The following DNMT3A variants were observed in gnomAD, a reference collection of about 807,000 sequenced individuals.
DNMT3A encodes DNA methyltransferase 3 alpha, also known as DNA (cytosine-5)-methyltransferase 3A.
In DNMT3A, 267 loss-of-function variants were observed where a neutral mutation model predicts 117.6. The observed-to-expected ratio is 2.27, with a 90% CI of 2.05 to 2.51. The LOEUF is 2.51. DNMT3A is among the 30% of genes most tolerant of loss of function. The pLI is 0.00. For missense variants in DNMT3A, 1,029 were observed against 1,260.2 expected, an observed-to-expected ratio of 0.82 and a Z score of 2.78; for synonymous variants, 432 against 474.8, an observed-to-expected ratio of 0.91 and a Z score of 1.17.
rs35486374 is a variant in DNMT3A, at chr2:25,230,790, A to AGGG, written c.*3486_*3488dup. The stretch of plus-strand genomic sequence containing the variant: ...GTGATTGTTAACTCTCGTCCCTGCA[A>AGGG]GGGGGGGGGGGGGGGGGCCATGACC... On this transcript the variant is annotated 3_prime_UTR_variant, in exon 23 of 23. Transcript: ENST00000321117. 10 of 38,330 alleles carry AGGG rather than the reference A, an allele frequency of 2.6e-4. No homozygotes were observed. Among genetic ancestry groups the AGGG allele is most frequent in the African/African-American group, 1.1e-3 (9 of 7,996 alleles). The allele number at this position is 38,330 out of a possible 1,614,324, so 2.4% of individuals were successfully genotyped here.
At chr2:25,255,600 T>C (rs1676039966) in intron 6 of DNMT3A, among the ~76,000 whole-genome samples, 1 of 152,138 alleles carries the variant, frequency 6.6e-6, no homozygotes, top group African/African-American at 2.4e-5. Flanking sequence ...CCGACAAAAA[T>C]ACCTCTGAAG....
At chr2:25,289,429 C>T (rs568739949) in intron 3 of DNMT3A, among the ~76,000 whole-genome samples, 1 of 152,300 alleles carries the variant, frequency 6.6e-6, no homozygotes, top group South Asian at 2.1e-4. Context: ...GGCCTCTCCA[C>T]CTATGGCTCT....
intron 5 of DNMT3A, 76 bp downstream of exon 5, chr2:25,275,424 C>CCCCCCCCCA: frequency 6.6e-7 from 1 of 1,516,900 alleles, no homozygotes; most frequent in Non-Finnish European, 8.9e-7. Flanking sequence ...ACCCTCCGCC[C>CCCCCCCCCA]CCTCACACAC....
intron 14 of DNMT3A, 68 bp downstream of exon 14, chr2:25,244,472 G>A: frequency 1.3e-6 from 2 of 1,588,472 alleles, no homozygotes; most frequent in Admixed American, 1.7e-5. Context: ...GGGAGAGGAG[G>A]GGAGGCGGTG....
intron 2 of DNMT3A, among the ~76,000 whole-genome samples, chr2:25,309,898 A>C (rs72810076): frequency 0.3 from 45,137 of 151,734 alleles, 6,833 homozygotes; most frequent in South Asian, 0.37. Context: ...CTAAAAAAAA[A>C]AATACAAAAA....
At chr2:25,239,270 C>A in intron 19 of DNMT3A, 55 bp from the exon 20 acceptor site, 1 of 1,513,522 alleles carries the variant, frequency 6.6e-7, no homozygotes, top group South Asian at 1.1e-5. Context: ...GAAACAGCGC[C>A]GGCATGCTGC....
At chr2:25,321,331 C>T (rs571198553) in intron 1 of DNMT3A, among the ~76,000 whole-genome samples, 1 of 152,316 alleles carries the variant, frequency 6.6e-6, no homozygotes, top group African/African-American at 2.4e-5. Context: ...AACTCCAAAG[C>T]CAGCGATGGC....
intron 6 of DNMT3A, among the ~76,000 whole-genome samples, chr2:25,248,513 A>G (rs1194131971): frequency 6.6e-6 from 1 of 151,992 alleles, no homozygotes. Context: ...TCTCATCAGC[A>G]TATCGGTTGC....
chr2:25,319,439 C>T (rs376887764), intron 1 of DNMT3A, among the ~76,000 whole-genome samples: 10 of 152,290 alleles, frequency 6.6e-5, no homozygotes, highest in South Asian at 2.1e-4. Context: ...CGTAAGCCAC[C>T]GTGCTGGGCC....
intron 6 of DNMT3A, among the ~76,000 whole-genome samples, chr2:25,269,316 G>C (rs1362052072): frequency 6.6e-6 from 1 of 152,206 alleles, no homozygotes; most frequent in Admixed American, 6.5e-5. Context: ...GAGACAGAGT[G>C]AAACTGTCTC....
chr2:25,307,429 A>G, intron 2 of DNMT3A, among the ~76,000 whole-genome samples: 1 of 137,086 alleles, frequency 7.3e-6, no homozygotes, highest in East Asian at 2.3e-4. Flanking sequence ...AAGGGCTAGG[A>G]TTACAGGCAT....
intron 6 of DNMT3A, among the ~76,000 whole-genome samples, chr2:25,274,413 G>A (rs1395579040): frequency 6.6e-6 from 1 of 152,214 alleles, no homozygotes; most frequent in African/African-American, 2.4e-5. Context: ...CAACTGATGT[G>A]TGGAGCCCCG....
chr2:25,341,110 T>A (rs2035413583), intron 1 of DNMT3A, among the ~76,000 whole-genome samples: 1 of 139,540 alleles, frequency 7.2e-6, no homozygotes, highest in Non-Finnish European at 1.6e-5. Flanking sequence ...CGGAGGAGGA[T>A]CGCGGCGCGG....
At chr2:25,323,405 T>C (rs1313185584) in intron 1 of DNMT3A, among the ~76,000 whole-genome samples, 1 of 152,176 alleles carries the variant, frequency 6.6e-6, no homozygotes, top group Non-Finnish European at 1.5e-5. Context: ...GTTGACACCC[T>C]CCTGACCTAA....
intron 2 of DNMT3A, among the ~76,000 whole-genome samples, chr2:25,310,973 A>G (rs1445831703): frequency 6.6e-6 from 1 of 152,232 alleles, no homozygotes; most frequent in African/African-American, 2.4e-5. Context: ...TACAAGGCCA[A>G]CTACAGCCTG....
chr2:25,230,789 A>AG lies in DNMT3A; in HGVS notation c.*3489_*3490insC, dbSNP rs1672835262. 8.2e-4 allele frequency: 1 copy of AG among 1,216 alleles called. No homozygotes were observed. Among genetic ancestry groups the AG allele is most frequent in the African/African-American group, 4.3e-3 (1 of 230 alleles). The allele number at this position is 1,216 out of a possible 1,614,324, so 0.1% of individuals were successfully genotyped here. A position where few individuals can be genotyped will look rare whatever the true frequency, so the allele number is the denominator to read the frequency against. On this transcript the variant is annotated 3_prime_UTR_variant, in exon 23 of 23. Transcript: ENST00000321117. The stretch of plus-strand genomic sequence containing the variant: ...GGTGATTGTTAACTCTCGTCCCTGC[A>AG]AGGGGGGGGGGGGGGGGGCCATGAC...
intron 4 of DNMT3A, among the ~76,000 whole-genome samples, chr2:25,277,581 G>A (rs952193229): frequency 2.6e-5 from 4 of 152,204 alleles, no homozygotes; most frequent in Non-Finnish European, 5.9e-5. Context: ...TGGGGCTTCC[G>A]ACTGCATTTT....
rs775989176 is a variant in DNMT3A at position 25,239,207 on chromosome 2, AG to A, written c.2330del (p.Pro777LeufsTer2). 6.2e-7 allele frequency: 1 copy of A among 1,613,826 alleles called. No individual in the cohort carries two copies. The highest frequency in any genetic ancestry group is 8.5e-7 in the Non-Finnish European group (1 of 1,179,814). On this transcript the variant is annotated frameshift_variant, in exon 20 of 23. Coordinates refer to ENST00000321117, the MANE Select transcript of DNMT3A (RefSeq NM_022552.5). LOFTEE classifies it high-confidence loss of function. ...ACACTTCTTTGGCATCAATCATCACAGGGTTGGACTACAAAACAGGAGACGG... is the reference window on the plus strand; with the variant it reads ...ACACTTCTTTGGCATCAATCATCACAGGTTGGACTACAAAACAGGAGACGG... ...RDISRFLESN[P>X]VMIDAKEVSA...
chr2:25,243,560 T>C (rs1674328774), intron 16 of DNMT3A, among the ~76,000 whole-genome samples: 1 of 152,224 alleles, frequency 6.6e-6, no homozygotes, highest in Non-Finnish European at 1.5e-5. Flanking sequence ...ACAACAGAAC[T>C]GTGTATGTTT....
Sources: allele counts gnomAD v4.1 joint callset (sites outside exome capture counted in the v4.1 genomes callset), GRCh38; gene constraint gnomAD v4.1.1; transcripts MANE v1.5; gene names NCBI Gene and HGNC (gene_info 2026-07-23, HGNC 2026-07-21).